The following SCGB2B2 variants were observed in gnomAD, a reference collection of about 807,000 sequenced individuals.
SCGB2B2 encodes the protein secretoglobin-like protein.
A neutral mutation model predicts 7.6 loss-of-function variants in SCGB2B2; 11 were observed. That is an observed-to-expected ratio of 1.45 (90% CI 0.91 to 2.40). The LOEUF (loss-of-function observed/expected upper bound fraction) is 2.40. Ranked by LOEUF, SCGB2B2 falls within the 30% of genes most tolerant of loss-of-function variation. The pLI is 0.00. For missense variants in SCGB2B2, 104 were observed against 115.4 expected (o/e 0.90, Z 0.45); for synonymous variants, 50 against 48.6 (o/e 1.03, Z -0.12).
chr19:34,645,671 A>C (rs2066990565), intron 1 of SCGB2B2: 1 of 405,562 alleles, frequency 2.5e-6, no homozygotes, highest in Non-Finnish European at 5.0e-6. Context: ...CATGAGGATG[A>C]CACCCACCGC....
intron 3 of SCGB2B2, 114 bp downstream of exon 3, chr19:34,594,061 G>A: frequency 1.2e-6 from 1 of 858,046 alleles, no homozygotes; most frequent in Non-Finnish European, 1.9e-6. Flanking sequence ...GCGCATCCTG[G>A]GATGTGGCTT....
intron 1 of SCGB2B2, among the ~76,000 whole-genome samples, chr19:34,607,915 A>C (rs1271502698): frequency 6.6e-6 from 1 of 152,014 alleles, no homozygotes; most frequent in Non-Finnish European, 1.5e-5. Flanking sequence ...TCATCTTCTC[A>C]CTCAGAATTC....
rs1265789980 is a variant in SCGB2B2, at chr19:34,630,974, T to C, written c.-2031-34380A>G. Among the ~76,000 whole-genome samples, 9 of 152,006 alleles carry C rather than the reference T, an allele frequency of 5.9e-5. No homozygotes were observed. The East Asian group carries it at 1.7e-3, about 29-fold the overall frequency. Reference sequence around the variant, plus strand: ...TTCATGTCCTTTGTAGGGACATGGATGAAGCTGGAAACCATCATTCTCAGC... The same window carrying C: ...TTCATGTCCTTTGTAGGGACATGGACGAAGCTGGAAACCATCATTCTCAGC... On this transcript the variant is annotated intron_variant, in intron 1 of 3. Transcript: ENST00000601241.
chr19:34,631,306 T>G (rs921118414), intron 1 of SCGB2B2, among the ~76,000 whole-genome samples: 2 of 121,538 alleles, frequency 1.6e-5, no homozygotes. Context: ...ACATTATGAG[T>G]TTTTTTTTTT....
chr19:34,632,244 C>G (rs1013586654), intron 1 of SCGB2B2, among the ~76,000 whole-genome samples: 3 of 152,064 alleles, frequency 2.0e-5, no homozygotes, highest in Non-Finnish European at 4.4e-5. Flanking sequence ...TATGTTCAAT[C>G]AAAGGAAAAA....
chr19:34,602,089 C>T (rs986126868), intron 1 of SCGB2B2, among the ~76,000 whole-genome samples: 5 of 152,130 alleles, frequency 3.3e-5, no homozygotes, highest in Non-Finnish European at 7.3e-5. Context: ...TTGGTAGACA[C>T]TCTTTGTTAG....
chr19:34,597,945 A>G (rs1048288209), intron 1 of SCGB2B2, among the ~76,000 whole-genome samples: 7 of 151,008 alleles, frequency 4.6e-5, no homozygotes, highest in Non-Finnish European at 1.5e-5. Context: ...TAGGATAGAG[A>G]GTCCTGGAGA....
At chr19:34,613,958 TG>T (rs1216972988) in intron 1 of SCGB2B2, among the ~76,000 whole-genome samples, 1 of 152,254 alleles carries the variant, frequency 6.6e-6, no homozygotes, top group Admixed American at 6.5e-5. Context: ...CATACTCTCC[TG>T]GCCTGTAAAG....
rs1047420976 is a variant in SCGB2B2 at position 34,594,646 on chromosome 19, C to T, written c.-83G>A. On this transcript the variant is annotated 5_prime_UTR_variant, in exon 2 of 4. Transcript: ENST00000601241. ...TATGTATATCTGAACAAGGCACATGCCTCTTCGTGTGTGTGTGTGTGTGTG... is the reference window on the plus strand; with the variant it reads ...TATGTATATCTGAACAAGGCACATGTCTCTTCGTGTGTGTGTGTGTGTGTG... The T allele has an allele frequency of 3.2e-6, 3 of 933,668 alleles. No individual in the cohort carries two copies. Among genetic ancestry groups the T allele is most frequent in the Non-Finnish European group, 5.2e-6 (3 of 581,476 alleles). 57.8% of individuals were successfully genotyped at this position (933,668 alleles called of 1,614,324 possible). A position where few individuals can be genotyped will look rare whatever the true frequency, so the allele number is the denominator to read the frequency against.
intron 1 of SCGB2B2, among the ~76,000 whole-genome samples, chr19:34,667,668 T>C (rs2146187089): frequency 6.6e-6 from 1 of 152,350 alleles, no homozygotes; most frequent in South Asian, 2.1e-4. Flanking sequence ...AAGTCTCTGC[T>C]TTTGTTGCTT....
intron 1 of SCGB2B2, among the ~76,000 whole-genome samples, chr19:34,675,413 A>T (rs1282439082): frequency 2.0e-5 from 3 of 152,096 alleles, no homozygotes; most frequent in Non-Finnish European, 4.4e-5. Context: ...TAGAACTGTC[A>T]GAGGTGTTTA....
intron 1 of SCGB2B2, among the ~76,000 whole-genome samples, chr19:34,661,146 A>T (rs1359382798): frequency 6.6e-6 from 1 of 152,100 alleles, no homozygotes. Flanking sequence ...TGGGGTAGGG[A>T]TACCATTAGG....
At chr19:34,670,883 G>A (rs1568445031) in intron 1 of SCGB2B2, among the ~76,000 whole-genome samples, 2 of 152,292 alleles carry the variant, frequency 1.3e-5, no homozygotes, top group South Asian at 4.1e-4. Context: ...GTTAGTTCTT[G>A]AATATTGTAT....
intron 1 of SCGB2B2, among the ~76,000 whole-genome samples, chr19:34,636,217 G>T (rs751335925): frequency 2.0e-5 from 3 of 152,194 alleles, no homozygotes; most frequent in Non-Finnish European, 2.9e-5. Flanking sequence ...ACTGACTTTC[G>T]TGGGAGAGGC....
intron 1 of SCGB2B2, among the ~76,000 whole-genome samples, chr19:34,655,879 A>G (rs143992390): frequency 0.011 from 1,734 of 151,356 alleles, 36 homozygotes; most frequent in Non-Finnish European, 0.018. Flanking sequence ...GGAGGAATGC[A>G]GCCACTGCCA....
chr19:34,604,109 CCAGA>C (rs1399808965), intron 1 of SCGB2B2, among the ~76,000 whole-genome samples: 10 of 152,040 alleles, frequency 6.6e-5, no homozygotes, highest in East Asian at 1.9e-4. Context: ...TGCTATATTG[CCAGA>C]CAGTCTTTTA....
intron 1 of SCGB2B2, among the ~76,000 whole-genome samples, chr19:34,655,058 A>T (rs2067248065): frequency 6.6e-6 from 1 of 151,344 alleles, no homozygotes; most frequent in Non-Finnish European, 1.5e-5. Flanking sequence ...TGGCACACTC[A>T]TGCAGGACAT....
chr19:34,656,662 G>T (rs1393717822), intron 1 of SCGB2B2, among the ~76,000 whole-genome samples: 1 of 151,156 alleles, frequency 6.6e-6, no homozygotes. Flanking sequence ...TTAATCTAAT[G>T]AAGACCACCT....
intron 1 of SCGB2B2, among the ~76,000 whole-genome samples, chr19:34,655,274 T>C (rs2067253127): frequency 6.7e-6 from 1 of 149,534 alleles, no homozygotes; most frequent in Non-Finnish European, 1.5e-5. Flanking sequence ...AGGTTTAACA[T>C]CAACACAGAC....
Sources: allele counts gnomAD v4.1 joint callset (sites outside exome capture counted in the v4.1 genomes callset), GRCh38; gene constraint gnomAD v4.1.1; transcripts MANE v1.5; gene names NCBI Gene and HGNC (gene_info 2026-07-23, HGNC 2026-07-21).